P3H2: variants seen among roughly 807,000 people sequenced by gnomAD.
P3H2 encodes the protein leprecan-like 1.
A neutral mutation model predicts 87.0 loss-of-function variants in P3H2; 80 were observed. That is an observed-to-expected ratio of 0.92 (90% CI 0.77 to 1.11). The LOEUF is 1.11. Ranked by LOEUF, P3H2 falls within the 50% of genes least tolerant of loss-of-function variation. The probability of loss-of-function intolerance (pLI) is 0.00; values close to 1 mark genes in which losing one functional copy is unlikely to be tolerated. For missense variants in P3H2, 1,001 were observed against 923.9 expected (o/e 1.08, Z -1.08); for synonymous variants, 367 against 359.3 (o/e 1.02, Z -0.24).
At chr3:189,969,409 A>G (rs924061783) in intron 13 of P3H2, 6 of 801,676 alleles carry the variant, frequency 7.5e-6, no homozygotes, top group African/African-American at 6.8e-5. Flanking sequence ...AGCAGTCTCT[A>G]TAAGAACGTC....
Position 190,044,223 on chromosome 3 carries a change from C to T in P3H2, c.481-48781G>A, listed in dbSNP as rs143110663. ...TGAAAATCATTAGCTAATACTTGAG[C>T]ACTTGTCAGGAGCACACGTTGTTTC... is the stretch of plus-strand genomic sequence containing the variant. On this transcript the variant is annotated intron_variant, in intron 1 of 14. Transcript: ENST00000319332. 8.5e-4 allele frequency among the ~76,000 whole-genome samples: 129 copies of T among 152,318 alleles called. 1 individual carries two copies. The highest frequency in any genetic ancestry group is 2.8e-3 in the African/African-American group (117 of 41,576).
intron 1 of P3H2, among the ~76,000 whole-genome samples, chr3:190,119,852 A>T (rs1560026272): frequency 2.7e-5 from 1 of 37,182 alleles, no homozygotes; most frequent in East Asian, 8.2e-4. Flanking sequence ...GAGAGGAGAC[A>T]AAAGAAATGG....
intron 1 of P3H2, among the ~76,000 whole-genome samples, chr3:190,051,502 C>T (rs2594176): frequency 0.82 from 123,876 of 151,630 alleles, 50,783 homozygotes; most frequent in East Asian, 0.88. Flanking sequence ...AATAAGAAGT[C>T]CTTGCTTAAA....
At chr3:189,995,561 T>TG (rs1724030349) in intron 1 of P3H2, 119 bp from the exon 2 acceptor site, 2 of 1,104,988 alleles carry the variant, frequency 1.8e-6, no homozygotes, top group South Asian at 3.0e-5. Context: ...CCTTGGTTTT[T>TG]TTTTTTTTTA....
intron 1 of P3H2, among the ~76,000 whole-genome samples, chr3:190,102,421 A>T (rs867479060): frequency 6.6e-6 from 1 of 152,226 alleles, no homozygotes; most frequent in Non-Finnish European, 1.5e-5. Context: ...GAAGTTTGGA[A>T]GAAGTTGATT....
At chr3:190,024,530 CAAAAAAAAAA>C (rs71635314) in intron 1 of P3H2, among the ~76,000 whole-genome samples, 17 of 52,946 alleles carry the variant, frequency 3.2e-4, no homozygotes, top group South Asian at 1.2e-3. Context: ...GGTTCCCTCT[CAAAAAAAAAA>C]AAAAAAAAAA....
intron 13 of P3H2, 140 bp from the exon 14 acceptor site, chr3:189,964,238 A>C: frequency 3.8e-6 from 3 of 783,326 alleles, no homozygotes; most frequent in East Asian, 2.6e-5. Context: ...AGATGATGTA[A>C]ATTATCTCAA....
chr3:189,987,460 C>T, intron 5 of P3H2, 67 bp downstream of exon 5: 1 of 1,499,368 alleles, frequency 6.7e-7, no homozygotes, highest in Non-Finnish European at 8.9e-7. Context: ...GCCTGGGCAA[C>T]AAGAGCGAAA....
intron 1 of P3H2, among the ~76,000 whole-genome samples, chr3:190,090,414 C>T (rs1405329981): frequency 1.3e-5 from 2 of 152,184 alleles, no homozygotes; most frequent in Admixed American, 6.5e-5. Flanking sequence ...AAATATTTAC[C>T]ACCTATTGGC....
intron 1 of P3H2, among the ~76,000 whole-genome samples, chr3:190,118,083 T>C (rs76387815): frequency 0.019 from 2,831 of 152,170 alleles, 74 homozygotes; most frequent in African/African-American, 0.065. Flanking sequence ...CCACAAAAAT[T>C]TGAGGTATGT....
chr3:190,107,557 T>A (rs908889696), intron 1 of P3H2, among the ~76,000 whole-genome samples: 1 of 152,188 alleles, frequency 6.6e-6, no homozygotes, highest in Non-Finnish European at 1.5e-5. Flanking sequence ...TTCACAGAGA[T>A]AGAAATTGAG....
intron 1 of P3H2, among the ~76,000 whole-genome samples, chr3:190,098,645 GA>G (rs1245513037): frequency 6.6e-6 from 1 of 152,134 alleles, no homozygotes; most frequent in East Asian, 1.9e-4. Flanking sequence ...AAGAGACTTT[GA>G]GTAACTTGCC....
chr3:189,994,861 G>C (rs1170232969), intron 2 of P3H2, among the ~76,000 whole-genome samples: 1 of 151,748 alleles, frequency 6.6e-6, no homozygotes, highest in African/African-American at 2.4e-5. Flanking sequence ...AGGTACAATG[G>C]GCAAACCACT....
intron 9 of P3H2, 74 bp from the exon 10 acceptor site, chr3:189,974,078 C>G: frequency 2.4e-6 from 3 of 1,251,394 alleles, no homozygotes. Context: ...GCTTTGGCTG[C>G]CAGAAAGCTG....
At chr3:189,979,291 G>A (rs1044590514) in intron 8 of P3H2, among the ~76,000 whole-genome samples, 1 of 151,828 alleles carries the variant, frequency 6.6e-6, no homozygotes, top group Non-Finnish European at 1.5e-5. Context: ...CGCTGGGCAT[G>A]GTGATGCATG....
chr3:190,122,109 A>AGAGAG (rs1163934383), upstream of P3H2: 2 of 115,758 alleles, frequency 1.7e-5, no homozygotes, highest in Admixed American at 8.7e-5. Flanking sequence ...GAAAAAGAAA[A>AGAGAG]GAGAGGAGAG....
chr3:189,981,059 A>G (rs1354171316), intron 8 of P3H2, among the ~76,000 whole-genome samples: 1 of 152,244 alleles, frequency 6.6e-6, no homozygotes, highest in Non-Finnish European at 1.5e-5. Flanking sequence ...AGGGCATGGA[A>G]GCTCCTCCTG....
At chr3:190,088,680 C>A (rs1021249241) in intron 1 of P3H2, among the ~76,000 whole-genome samples, 2 of 152,096 alleles carry the variant, frequency 1.3e-5, no homozygotes, top group South Asian at 2.1e-4. Flanking sequence ...ATAATAGTTA[C>A]GGGCTTGTGA....
intron 1 of P3H2, among the ~76,000 whole-genome samples, chr3:190,055,994 A>G (rs193223511): frequency 3.3e-3 from 505 of 152,280 alleles, no homozygotes; most frequent in African/African-American, 0.012. Context: ...GATACTAAGG[A>G]AGTACTTCAC....
Sources: allele counts gnomAD v4.1 joint callset (sites outside exome capture counted in the v4.1 genomes callset), GRCh38; gene constraint gnomAD v4.1.1; transcripts MANE v1.5; gene names NCBI Gene and HGNC (gene_info 2026-07-23, HGNC 2026-07-21).